RUVBL1: variants seen among roughly 807,000 people sequenced by gnomAD.
The protein encoded by RUVBL1 is RuvB like AAA ATPase 1, also known as ruvB-like 1.
Under a neutral mutation model 52.4 loss-of-function variants are expected in RUVBL1, and 4 were observed. That is an observed-to-expected ratio of 0.08 (90% CI 0.04 to 0.17). RUVBL1 has a LOEUF of 0.17. RUVBL1 is among the 10% of genes least tolerant of loss of function. The pLI is 1.00. For missense variants in RUVBL1, 298 were observed against 572.8 expected (o/e 0.52, Z 4.90); for synonymous variants, 217 against 214.4 (o/e 1.01, Z -0.10).
intron 7 of RUVBL1, among the ~76,000 whole-genome samples, chr3:128,098,624 G>A (rs770063800): frequency 6.6e-6 from 1 of 152,178 alleles, no homozygotes; most frequent in East Asian, 1.9e-4. Context: ...AGAGCTGGGC[G>A]ACACAAATCC....
chr3:128,134,324 G>A (rs938924659), intron 1 of RUVBL1, among the ~76,000 whole-genome samples: 2 of 151,740 alleles, frequency 1.3e-5, no homozygotes, highest in African/African-American at 2.4e-5. Context: ...TTACCTGGGC[G>A]CGGTGGTAGG....
chr3:128,112,772 G>T, intron 3 of RUVBL1, 116 bp downstream of exon 3: 1 of 1,228,554 alleles, frequency 8.1e-7, no homozygotes, highest in Non-Finnish European at 1.1e-6. Context: ...AGTGCCAAAA[G>T]AAAAACAGCA....
chr3:128,100,077 CTATTTCCTAGAAATGTCAT>C (rs1392719834), intron 6 of RUVBL1, among the ~76,000 whole-genome samples: 2 of 152,240 alleles, frequency 1.3e-5, no homozygotes, highest in African/African-American at 4.8e-5. Flanking sequence ...TGACTATTCA[CTATTTCCTAGAAATGTCAT>C]ATAGTGATAA....
chr3:128,118,289 T>A (rs144152160), intron 2 of RUVBL1, among the ~76,000 whole-genome samples: 1 of 152,180 alleles, frequency 6.6e-6, no homozygotes, highest in East Asian at 1.9e-4. Context: ...AAAAAACTGT[T>A]CACAAATATA....
rs1290470747 is a variant in RUVBL1, at chr3:128,081,650, T to C, written c.1212-241A>G. ...ACATAAGTGCTATTCCCCAAATCTT[T>C]AGTACAGTCTACAAATCCTCCAGTA... On this transcript the variant is annotated intron_variant, in intron 10 of 10. Coordinates refer to ENST00000322623, the MANE Select transcript of RUVBL1 (RefSeq NM_003707.3). The surrounding 1 kb of genome is among the most constrained non-coding windows in gnomAD (Gnocchi z 4.8). 2 of 488,720 alleles carry C rather than the reference T, an allele frequency of 4.1e-6. No homozygotes were observed. Among genetic ancestry groups the C allele is most frequent in the Admixed American group, 3.6e-5 (1 of 27,722 alleles). The allele number at this position is 488,720 out of a possible 1,614,324, so 30.3% of individuals were successfully genotyped here.
intron 3 of RUVBL1, among the ~76,000 whole-genome samples, chr3:128,110,984 T>C (rs2107704524): frequency 6.6e-6 from 1 of 152,030 alleles, no homozygotes; most frequent in East Asian, 1.9e-4. Flanking sequence ...CCCAGCACTC[T>C]GGGAGGCCGA....
rs767652542 is a variant in RUVBL1 at position 128,081,258 on chromosome 3, T to C, written c.1363A>G (p.Met455Val). ...KILADQQDKY[M>V]K ...TGAAAACCTCAGCCATCTCACTTCA[T>C]GTACTTATCCTGCTGGTCAGCCAGG... Residue 455 changes from methionine (M) to valine (V), a missense_variant, in exon 11 of 11, where the codon ATG becomes GTG. Physicochemically the swap from Met to Val is conservative, Grantham distance 21. Transcript: ENST00000322623. The surrounding 1 kb of genome is among the most constrained non-coding windows in gnomAD (Gnocchi z 4.8). The C allele has an allele frequency of 1.2e-6, 2 of 1,614,094 alleles. No homozygotes were observed. The highest frequency in any genetic ancestry group is 1.1e-5 in the South Asian group (1 of 91,080).
Position 128,097,334 on chromosome 3 carries a change from T to A in RUVBL1, c.982A>T (p.Ile328Phe). The change falls in exon 8 of 11, where the codon ATC becomes TTC. Residue 328 changes from isoleucine (I) to phenylalanine (F), a missense_variant. Transcript: ENST00000322623. ...ALESSIAPIV[I>F]FASNRGNCVI... ...CAGTTGCCTCGGTTGGATGCAAAGA[T>A]GACGATGGGAGCGATAGAAGACTCC... 1.2e-6 allele frequency: 2 copies of A among 1,614,116 alleles called. No individual in the cohort carries two copies. Among genetic ancestry groups the A allele is most frequent in the Non-Finnish European group, 1.7e-6 (2 of 1,180,004 alleles).
chr3:128,103,176 A>G lies in RUVBL1; in HGVS notation c.514-1528T>C, dbSNP rs150344614. Among the ~76,000 whole-genome samples the G allele has an allele frequency of 1.6e-3, 244 of 152,360 alleles. 1 individual carries two copies. Among genetic ancestry groups the G allele is most frequent in the African/African-American group, 5.4e-3 (226 of 41,582 alleles). On this transcript the variant is annotated intron_variant, in intron 4 of 10. Transcript: ENST00000322623. ...TCCTCTACATTATTTTTGTAAAGAA[A>G]CTGTACAAAGCAGTGTTACAAATAG...
At chr3:128,069,445 G>A in intron 9 of RUVBL1, 1 of 1,598,530 alleles carries the variant, frequency 6.3e-7, no homozygotes, top group Non-Finnish European at 8.5e-7. Context: ...CTCTGTGGGT[G>A]TCCAGGAGCT....
At chr3:128,104,367 C>T (rs911978282) in intron 4 of RUVBL1, among the ~76,000 whole-genome samples, 1 of 152,200 alleles carries the variant, frequency 6.6e-6, no homozygotes, top group Non-Finnish European at 1.5e-5. Flanking sequence ...TTATACAACT[C>T]TTATTTGATT....
intron 7 of RUVBL1, 44 bp from the exon 8 acceptor site, chr3:128,097,542 G>A: frequency 6.4e-7 from 1 of 1,564,536 alleles, no homozygotes. Context: ...CACAGGGCTG[G>A]GGGAGACTAT....
chr3:128,128,814 C>G (rs1422521452), intron 1 of RUVBL1, among the ~76,000 whole-genome samples: 1 of 152,224 alleles, frequency 6.6e-6, no homozygotes, highest in African/African-American at 2.4e-5. Flanking sequence ...CCAAGCACTG[C>G]TGGATTCTCC....
At chr3:128,125,306 C>T (rs1039575456), upstream of RUVBL1, among the ~76,000 whole-genome samples, 5 of 152,240 alleles carry the variant, frequency 3.3e-5, no homozygotes, top group African/African-American at 1.2e-4. Flanking sequence ...TGAGCCACCG[C>T]GCCCGGCCTC....
intron 9 of RUVBL1, among the ~76,000 whole-genome samples, chr3:128,066,070 A>G (rs532311761): frequency 6.6e-6 from 1 of 152,074 alleles, no homozygotes; most frequent in African/African-American, 2.4e-5. Context: ...AATCCTCTGT[A>G]TTCCGAGCCC....
intron 8 of RUVBL1, among the ~76,000 whole-genome samples, chr3:128,094,812 T>C (rs1289462611): frequency 1.3e-5 from 2 of 152,224 alleles, no homozygotes; most frequent in Non-Finnish European, 2.9e-5. Flanking sequence ...GGAAGCCCTG[T>C]AGTTCCCCTC....
At chr3:128,106,030 T>C (rs954526826) in intron 3 of RUVBL1, among the ~76,000 whole-genome samples, 1 of 152,048 alleles carries the variant, frequency 6.6e-6, no homozygotes, top group African/African-American at 2.4e-5. Flanking sequence ...CCACCACATC[T>C]GGCTAATTTT....
intron 7 of RUVBL1, 24 bp downstream of exon 7, chr3:128,098,858 C>T: frequency 1.2e-6 from 2 of 1,611,622 alleles, no homozygotes; most frequent in Non-Finnish European, 1.7e-6. Flanking sequence ...GCCCCTTGCT[C>T]ACAGGGCACA....
chr3:128,131,958 C>T (rs1943882466), intron 1 of RUVBL1, among the ~76,000 whole-genome samples: 3 of 152,206 alleles, frequency 2.0e-5, no homozygotes, highest in Non-Finnish European at 4.4e-5. Context: ...GTCACAGTCC[C>T]TGGTTTTAAC....
Sources: allele counts gnomAD v4.1 joint callset (sites outside exome capture counted in the v4.1 genomes callset), GRCh38; gene constraint gnomAD v4.1.1; non-coding constraint Gnocchi (gnomAD v3.1); transcripts MANE v1.5; gene names NCBI Gene and HGNC (gene_info 2026-07-23, HGNC 2026-07-21).